TXNRD1: variants seen among roughly 807,000 people sequenced by gnomAD.
TXNRD1 encodes thioredoxin reductase 1.
TXNRD1 carries 57 observed loss-of-function variants against 80.3 expected under a neutral mutation model. The observed-to-expected ratio is 0.71, with a 90% CI of 0.57 to 0.89. TXNRD1 has a LOEUF of 0.89. Among genes scored for constraint, TXNRD1 ranks in the 40% least tolerant of loss-of-function variants. The probability of loss-of-function intolerance (pLI) is 0.00; values close to 1 mark genes in which losing one functional copy is unlikely to be tolerated. For missense variants in TXNRD1, 730 were observed against 803.0 expected (o/e 0.91, Z 1.10); for synonymous variants, 291 against 285.2 (o/e 1.02, Z -0.20).
chr12:104,316,904 T>G (rs924058044), intron 7 of TXNRD1, among the ~76,000 whole-genome samples: 4 of 152,174 alleles, frequency 2.6e-5, no homozygotes, highest in Admixed American at 1.3e-4. Flanking sequence ...GTGGCTTTTT[T>G]GGGGTTTTAA....
In TXNRD1 at chr12:104,251,572, G is replaced by T. The variant is rs765769149; in HGVS notation, c.137G>T (p.Gly46Val). 1 of 1,613,876 alleles carries T rather than the reference G, an allele frequency of 6.2e-7. No individual in the cohort carries two copies. The highest frequency in any genetic ancestry group is 1.1e-5 in the South Asian group (1 of 91,072). The change falls in exon 2 of 17, where the codon GGA becomes GTA. Residue 46 changes from glycine to valine, a missense_variant. Transcript: ENST00000525566. ...AAAACTTTGCCAGAGAACCCAGCAGGATTCACCAGCACGGCCACTGCAGAC... is the reference window on the plus strand; with the variant it reads ...AAAACTTTGCCAGAGAACCCAGCAGTATTCACCAGCACGGCCACTGCAGAC... ...PGKTLPENPA[G>V]FTSTATADSR...
intron 4 of TXNRD1, chr12:104,304,533 A>G (rs780414452): frequency 1.7e-5 from 28 of 1,613,926 alleles, no homozygotes; most frequent in East Asian, 6.7e-5. Context: ...GAAAATGGCA[A>G]CATGCCTACA....
chr12:104,285,727 G>T (rs1593750508), intron 3 of TXNRD1, among the ~76,000 whole-genome samples: 2 of 152,150 alleles, frequency 1.3e-5, no homozygotes, highest in African/African-American at 4.8e-5. Flanking sequence ...TGAGATAAAG[G>T]CATATAAAAT....
chr12:104,267,884 T>C lies in TXNRD1; in HGVS notation c.304+9805T>C, dbSNP rs377525299. 6.8e-5 allele frequency among the ~76,000 whole-genome samples: 10 copies of C among 147,776 alleles called. No homozygotes were observed. In the East Asian group the frequency reaches 1.7e-3, roughly 25 times the overall value. On this transcript the variant is annotated intron_variant, in intron 3 of 16. Coordinates refer to ENST00000525566, the MANE Select transcript of TXNRD1 (RefSeq NM_001093771.3). Reference sequence around the variant, plus strand: ...TTTTTTTTGAGACTGAGTTTTGCTCTTGTTGCCCTGGCTGGAGTGCAATGG... The same window carrying C: ...TTTTTTTTGAGACTGAGTTTTGCTCCTGTTGCCCTGGCTGGAGTGCAATGG...
At chr12:104,297,565 A>G (rs936871879) in intron 4 of TXNRD1, among the ~76,000 whole-genome samples, 1 of 151,778 alleles carries the variant, frequency 6.6e-6, no homozygotes, top group Admixed American at 6.6e-5. Context: ...AGATTTCTCT[A>G]TGTTGGTCAG....
At chr12:104,246,879 T>A (rs571674056) in intron 1 of TXNRD1, among the ~76,000 whole-genome samples, 5 of 152,298 alleles carry the variant, frequency 3.3e-5, no homozygotes, top group Non-Finnish European at 7.3e-5. Flanking sequence ...CTGGTCTATC[T>A]AATCTCTTTT....
chr12:104,341,618 G>A (rs1407548384), intron 16 of TXNRD1, among the ~76,000 whole-genome samples: 1 of 152,030 alleles, frequency 6.6e-6, no homozygotes, highest in Non-Finnish European at 1.5e-5. Context: ...TTGCTCACAC[G>A]ACCAATTCTC....
chr12:104,319,091 T>C (rs757075877), intron 8 of TXNRD1, 36 bp downstream of exon 8: 1 of 1,560,772 alleles, frequency 6.4e-7, no homozygotes, highest in South Asian at 1.2e-5. Context: ...TTTTTTTTTT[T>C]CTTTTTTCTC....
chr12:104,302,793 C>T (rs978565187), intron 4 of TXNRD1, among the ~76,000 whole-genome samples: 5 of 152,246 alleles, frequency 3.3e-5, no homozygotes, highest in African/African-American at 1.2e-4. Flanking sequence ...CCGGCCATTC[C>T]CATTGTTATG....
At chr12:104,348,090 C>G (rs777475641) in intron 16 of TXNRD1, among the ~76,000 whole-genome samples, 40 of 152,140 alleles carry the variant, frequency 2.6e-4, no homozygotes, top group Non-Finnish European at 5.3e-4. Context: ...GGTACCTGAT[C>G]TGTTTTAATC....
At chr12:104,301,627 G>C (rs752648275) in intron 4 of TXNRD1, among the ~76,000 whole-genome samples, 2 of 152,358 alleles carry the variant, frequency 1.3e-5, no homozygotes, top group South Asian at 4.1e-4. Context: ...GTGAGCCACC[G>C]TGCCCGGCTG....
At chr12:104,256,516 C>T (rs191021710) in intron 2 of TXNRD1, among the ~76,000 whole-genome samples, 3 of 152,236 alleles carry the variant, frequency 2.0e-5, no homozygotes, top group Admixed American at 6.5e-5. Flanking sequence ...TATGGTGGCT[C>T]ATGCCTGTAA....
intron 1 of TXNRD1, among the ~76,000 whole-genome samples, chr12:104,217,752 A>C (rs920643010): frequency 6.6e-6 from 1 of 152,096 alleles, no homozygotes; most frequent in African/African-American, 2.4e-5. Context: ...CGTTTCCCCC[A>C]GCCCCTGGTA....
chr12:104,302,923 A>C lies in TXNRD1; in HGVS notation c.415-8367A>C, dbSNP rs192924558. 3.3e-4 allele frequency among the ~76,000 whole-genome samples: 51 copies of C among 152,364 alleles called. No homozygotes were observed. The East Asian group carries it at 7.5e-3, about 22-fold the overall frequency. On this transcript the variant is annotated intron_variant, in intron 4 of 16. Coordinates refer to ENST00000525566, the MANE Select transcript of TXNRD1 (RefSeq NM_001093771.3). Reference sequence around the variant, plus strand: ...ATTTTCCCACGCAGATTACTCACCCAGTTTACAGATTAAGCTTTCATATCC... The same window carrying C: ...ATTTTCCCACGCAGATTACTCACCCCGTTTACAGATTAAGCTTTCATATCC...
chr12:104,263,756 CTGATG>C (rs1381915301), intron 3 of TXNRD1, among the ~76,000 whole-genome samples: 2 of 152,142 alleles, frequency 1.3e-5, no homozygotes, highest in Non-Finnish European at 2.9e-5. Context: ...CTTAGGGGTT[CTGATG>C]TGTATTATTC....
intron 14 of TXNRD1, among the ~76,000 whole-genome samples, chr12:104,333,441 A>C (rs1010107323): frequency 2.0e-4 from 31 of 151,712 alleles, no homozygotes; most frequent in Non-Finnish European, 2.9e-5. Flanking sequence ...AGCAATTGTT[A>C]GCAATTTGGG....
chr12:104,287,322 A>G (rs1312449350), intron 3 of TXNRD1: 3 of 1,613,892 alleles, frequency 1.9e-6, no homozygotes, highest in Non-Finnish European at 2.5e-6. Flanking sequence ...CGACCCGGTC[A>G]CACAAAGCTT....
intron 3 of TXNRD1, among the ~76,000 whole-genome samples, chr12:104,263,808 T>C (rs2033419470): frequency 6.6e-6 from 1 of 152,366 alleles, no homozygotes; most frequent in Non-Finnish European, 1.5e-5. Flanking sequence ...ATGGCTTTAA[T>C]GCCTTCAGCA....
At chr12:104,269,467 A>G (rs894245290) in intron 3 of TXNRD1, among the ~76,000 whole-genome samples, 1 of 140,244 alleles carries the variant, frequency 7.1e-6, no homozygotes, top group East Asian at 2.1e-4. Flanking sequence ...TGATGTAGTC[A>G]TGGCTCACTG....
Sources: gnomAD v4.1 joint callset for allele counts (sites outside exome capture counted in the v4.1 genomes callset) on GRCh38, gnomAD v4.1.1 for gene constraint, MANE v1.5 for transcripts, NCBI Gene and HGNC (gene_info 2026-07-23, HGNC 2026-07-21) for gene names.